The following SPICE1 variants were observed in gnomAD, a reference collection of about 807,000 sequenced individuals.
SPICE1 encodes the protein spindle and centriole-associated protein 1.
A neutral mutation model predicts 102.7 loss-of-function variants in SPICE1; 75 were observed. The ratio of observed to expected loss-of-function variants is 0.73; its 90% CI spans 0.61 to 0.88. The LOEUF (loss-of-function observed/expected upper bound fraction) is 0.88. Ranked by LOEUF, SPICE1 falls within the 40% of genes least tolerant of loss-of-function variation. The pLI, the probability that SPICE1 is intolerant of heterozygous loss-of-function variation, is 0.00. For missense variants in SPICE1, 979 were observed against 1,020.1 expected, an observed-to-expected ratio of 0.96 and a Z score of 0.55; for synonymous variants, 308 against 350.3, an observed-to-expected ratio of 0.88 and a Z score of 1.35.
At chr3:113,463,675 T>C (rs1003104061) in intron 11 of SPICE1, among the ~76,000 whole-genome samples, 10 of 152,246 alleles carry the variant, frequency 6.6e-5, no homozygotes, top group Non-Finnish European at 1.2e-4. Flanking sequence ...CATTATTCCA[T>C]TTCTATGTAA....
At chr3:113,512,876 A>G (rs532029522) in intron 1 of SPICE1, among the ~76,000 whole-genome samples, 1 of 152,320 alleles carries the variant, frequency 6.6e-6, no homozygotes, top group East Asian at 1.9e-4. Context: ...AGCACACACC[A>G]GGCACTGGCT....
At chr3:113,458,302 C>A (rs1296095125) in intron 12 of SPICE1, among the ~76,000 whole-genome samples, 1 of 152,200 alleles carries the variant, frequency 6.6e-6, no homozygotes, top group Non-Finnish European at 1.5e-5. Context: ...CGACTCACTG[C>A]AACCTCCCTG....
At chr3:113,472,125 G>C (rs1431578519) in intron 7 of SPICE1, among the ~76,000 whole-genome samples, 2 of 152,204 alleles carry the variant, frequency 1.3e-5, no homozygotes, top group Non-Finnish European at 2.9e-5. Flanking sequence ...AAAACCAGGA[G>C]ATTATATCCG....
At chr3:113,483,059 T>C (rs1169404522) in intron 7 of SPICE1, among the ~76,000 whole-genome samples, 9 of 152,246 alleles carry the variant, frequency 5.9e-5, no homozygotes, top group Admixed American at 5.9e-4. Context: ...TTTCCATTTG[T>C]TTGTGTCGTC....
At chr3:113,481,891 C>T (rs571881472) in intron 7 of SPICE1, among the ~76,000 whole-genome samples, 7 of 151,920 alleles carry the variant, frequency 4.6e-5, no homozygotes, top group Non-Finnish European at 7.4e-5. Context: ...GTCCATGTGT[C>T]TGTATAGAAT....
chr3:113,492,111 A>C (rs1338557074), intron 6 of SPICE1, among the ~76,000 whole-genome samples: 1 of 152,226 alleles, frequency 6.6e-6, no homozygotes, highest in African/African-American at 2.4e-5. Flanking sequence ...TAGGGTGATT[A>C]AATTTCCAGC....
At chr3:113,508,099 G>T (rs1399369319) in intron 1 of SPICE1, among the ~76,000 whole-genome samples, 2 of 152,100 alleles carry the variant, frequency 1.3e-5, no homozygotes, top group African/African-American at 2.4e-5. Flanking sequence ...AATGAAGTTG[G>T]ACTCCTACCT....
chr3:113,494,155 T>C lies in SPICE1; in HGVS notation c.292-13A>G. The C allele has an allele frequency of 3.3e-6, 5 of 1,508,974 alleles. No homozygotes were observed. Among genetic ancestry groups the C allele is most frequent in the Non-Finnish European group, 4.6e-6 (5 of 1,095,538 alleles). The allele number at this position is 1,508,974 out of a possible 1,614,324, so 93.5% of individuals were successfully genotyped here. On this transcript the variant is annotated splice_polypyrimidine_tract_variant and intron_variant, in intron 4 of 17. Transcript: ENST00000295872. ...GATCAGAAAGAATCTAGACATGTGT[T>C]AATGACAAATATTATTATTCAGATT...
chr3:113,476,463 G>A (rs1331898392), intron 7 of SPICE1, among the ~76,000 whole-genome samples: 1 of 148,542 alleles, frequency 6.7e-6, no homozygotes, highest in Non-Finnish European at 1.5e-5. Flanking sequence ...CCGAAAAAGA[G>A]CCTGCATCAC....
intron 6 of SPICE1, among the ~76,000 whole-genome samples, chr3:113,489,362 C>T (rs1183862088): frequency 6.6e-6 from 1 of 152,152 alleles, no homozygotes; most frequent in African/African-American, 2.4e-5. Context: ...TCTTCTACCA[C>T]CAAACTTCTT....
At chr3:113,455,542 A>G (rs113114174) in intron 13 of SPICE1, among the ~76,000 whole-genome samples, 4 of 152,352 alleles carry the variant, frequency 2.6e-5, no homozygotes, top group African/African-American at 9.6e-5. Context: ...GATGGAGCAG[A>G]CACAGAACAT....
At chr3:113,457,967 C>CAT (rs1374400463) in intron 12 of SPICE1, among the ~76,000 whole-genome samples, 1 of 152,104 alleles carries the variant, frequency 6.6e-6, no homozygotes, top group Admixed American at 6.5e-5. Context: ...CACTGACCTC[C>CAT]ATATATAAGG....
At chr3:113,496,831 C>A (rs1936900905) in intron 4 of SPICE1, among the ~76,000 whole-genome samples, 1 of 152,214 alleles carries the variant, frequency 6.6e-6, no homozygotes, top group Non-Finnish European at 1.5e-5. Flanking sequence ...AAAAGATGCA[C>A]ATATCCATTG....
At chr3:113,481,241 T>C (rs1936492813) in intron 7 of SPICE1, among the ~76,000 whole-genome samples, 6 of 151,918 alleles carry the variant, frequency 3.9e-5, no homozygotes. Flanking sequence ...GTAACTTTCA[T>C]AAAAACAAAG....
At chr3:113,463,398 A>G (rs1298098531) in intron 11 of SPICE1, among the ~76,000 whole-genome samples, 1 of 152,266 alleles carries the variant, frequency 6.6e-6, no homozygotes. Context: ...TAAGTAAATT[A>G]GTACATTTTA....
rs1935462369 is a variant in SPICE1 at position 113,444,308 on chromosome 3, T to A, written c.*999A>T. On this transcript the variant is annotated 3_prime_UTR_variant, in exon 18 of 18. Transcript: ENST00000295872. ...TGAGGTCAGGAGTTCGAGATCAGCC[T>A]GGCCAACATGGTGAAACCCCGTCTC... 6.6e-6 allele frequency: 1 copy of A among 152,204 alleles called. No individual in the cohort carries two copies. The highest frequency in any genetic ancestry group is 2.4e-5 in the African/African-American group (1 of 41,410). 9.4% of individuals were successfully genotyped at this position (152,204 alleles called of 1,614,324 possible).
At position 113,473,217 on chromosome 3, in the gene SPICE1, G is replaced by A. The variant is rs539470040; in HGVS notation, c.612-3979C>T. ...GAAGATGAAATGAATGAAATGAAGCGAGAAGGGAAGTTTACAGAAAAAAGA... is the reference window on the plus strand; with the variant it reads ...GAAGATGAAATGAATGAAATGAAGCAAGAAGGGAAGTTTACAGAAAAAAGA... On this transcript the variant is annotated intron_variant, in intron 7 of 17. Coordinates refer to ENST00000295872, the MANE Select transcript of SPICE1 (RefSeq NM_144718.4). Among the ~76,000 whole-genome samples the A allele has an allele frequency of 2.1e-4, 32 of 152,286 alleles. 1 individual carries two copies. The highest frequency in any genetic ancestry group is 3.4e-4 in the Non-Finnish European group (23 of 68,020).
intron 7 of SPICE1, among the ~76,000 whole-genome samples, chr3:113,471,473 T>G (rs577455822): frequency 6.6e-6 from 1 of 152,154 alleles, no homozygotes; most frequent in Non-Finnish European, 1.5e-5. Context: ...CCAGAGCAGC[T>G]TCTCCTCTGG....
Position 113,484,083 on chromosome 3 carries a change from ACTT to A in SPICE1, c.611+4859_611+4861del, listed in dbSNP as rs1360547305. Among the ~76,000 whole-genome samples the A allele has an allele frequency of 1.2e-4, 19 of 152,216 alleles. No homozygotes were observed. In the South Asian group the frequency reaches 3.7e-3, roughly 30 times the overall value. On this transcript the variant is annotated intron_variant, in intron 7 of 17. Transcript: ENST00000295872. ...TGTTATTGGTCTATTCAGGGATTCG[ACTT>A]CTTCTGGTTTAGACTTGGGAGGGTG...
Sources: allele counts gnomAD v4.1 joint callset (sites outside exome capture counted in the v4.1 genomes callset), GRCh38; gene constraint gnomAD v4.1.1; transcripts MANE v1.5; gene names NCBI Gene and HGNC (gene_info 2026-07-23, HGNC 2026-07-21).